DACH2: variants seen among roughly 807,000 people sequenced by gnomAD.
DACH2 encodes the protein dachshund homolog 2.
A neutral mutation model predicts 35.8 loss-of-function variants in DACH2; 17 were observed. The ratio of observed to expected loss-of-function variants is 0.48; its 90% CI spans 0.33 to 0.71. The LOEUF is 0.71. DACH2 is among the 30% of genes least tolerant of loss of function. DACH2 has a pLI of 0.02. For synonymous variants in DACH2, 195 were observed against 177.3 expected (o/e 1.10, Z -0.79); for missense variants, 469 against 472.7 (o/e 0.99, Z 0.07).
chrX:86,529,200 T>A (rs1057485349), intron 3 of DACH2, among the ~76,000 whole-genome samples: 2 of 111,390 alleles, frequency 1.8e-5, no homozygotes, highest in African/African-American at 3.3e-5. Context: ...CACACCACTA[T>A]ACTTGGATAA....
chrX:86,788,173 T>C (rs2042156423), intron 7 of DACH2, among the ~76,000 whole-genome samples: 1 of 110,988 alleles, frequency 9.0e-6, no homozygotes, highest in African/African-American at 3.3e-5. Flanking sequence ...AGTATTCCTA[T>C]AGGAAGATCA....
intron 7 of DACH2, among the ~76,000 whole-genome samples, chrX:86,781,404 A>C (rs887199145): frequency 8.9e-6 from 1 of 111,785 alleles, no homozygotes; most frequent in African/African-American, 3.3e-5. Flanking sequence ...TTATGTATAG[A>C]GTCACTAAAT....
At chrX:86,292,176 T>G (rs201285649) in intron 1 of DACH2, among the ~76,000 whole-genome samples, 2,938 of 79,146 alleles carry the variant, frequency 0.037, 105 homozygotes, top group East Asian at 0.3. Flanking sequence ...GTCGAGGAAT[T>G]TATCCATTTC....
At chrX:86,256,957 A>G (rs2033532270) in intron 1 of DACH2, among the ~76,000 whole-genome samples, 1 of 111,911 alleles carries the variant, frequency 8.9e-6, no homozygotes, top group African/African-American at 3.2e-5. Flanking sequence ...ATCCAAAGGT[A>G]TTGCATTACC....
intron 10 of DACH2, among the ~76,000 whole-genome samples, chrX:86,815,590 C>T (rs974910670): frequency 3.8e-5 from 4 of 105,446 alleles, no homozygotes; most frequent in Non-Finnish European, 3.9e-5. Context: ...TATATATATA[C>T]ACACACATAT....
At chrX:86,611,741 T>C (rs1258388734) in intron 3 of DACH2, among the ~76,000 whole-genome samples, 1 of 110,908 alleles carries the variant, frequency 9.0e-6, no homozygotes, top group Non-Finnish European at 1.9e-5. Flanking sequence ...CCATGCTGTT[T>C]CTCTCCCAAG....
chrX:86,227,494 A>G lies in DACH2; in HGVS notation c.488+78386A>G, dbSNP rs146324112. Among the ~76,000 whole-genome samples, 478 of 111,610 alleles carry G rather than the reference A, an allele frequency of 4.3e-3. 5 individuals are homozygous for G. Among genetic ancestry groups the G allele is most frequent in the African/African-American group, 0.014 (429 of 30,804 alleles). ...CTATGGTAGTCTTTGAAGAACATCA[A>G]AAGGTACTCATTCAACCAAAAATAT... On this transcript the variant is annotated intron_variant, in intron 1 of 11. Coordinates refer to ENST00000373125, the MANE Select transcript of DACH2 (RefSeq NM_053281.3).
chrX:86,643,884 C>T (rs752397377), intron 3 of DACH2, among the ~76,000 whole-genome samples: 18 of 111,139 alleles, frequency 1.6e-4, no homozygotes, highest in South Asian at 1.1e-3. Context: ...TCTCTATAGA[C>T]GTAGAAAAGG....
At chrX:86,791,406 T>G (rs776797926) in intron 7 of DACH2, among the ~76,000 whole-genome samples, 1 of 111,993 alleles carries the variant, frequency 8.9e-6, no homozygotes, top group Non-Finnish European at 1.9e-5. Flanking sequence ...AATATTCATT[T>G]GATAAGCAGT....
At chrX:86,191,805 G>T (rs986748617) in intron 1 of DACH2, among the ~76,000 whole-genome samples, 5 of 110,266 alleles carry the variant, frequency 4.5e-5, no homozygotes, top group South Asian at 3.9e-4. Context: ...GCCGAACGTG[G>T]TAGCGGGAAC....
chrX:86,565,801 G>A (rs2039285525), intron 3 of DACH2, among the ~76,000 whole-genome samples: 1 of 111,035 alleles, frequency 9.0e-6, no homozygotes, highest in Non-Finnish European at 1.9e-5. Context: ...GAAAAGTCAA[G>A]AATCTAAATT....
chrX:86,585,193 A>G (rs1174335996), intron 3 of DACH2, among the ~76,000 whole-genome samples: 1 of 110,971 alleles, frequency 9.0e-6, no homozygotes, highest in Non-Finnish European at 1.9e-5. Flanking sequence ...GCTGGGTCCA[A>G]TGATAGTTCT....
chrX:86,479,976 G>T (rs1450500814), intron 2 of DACH2, among the ~76,000 whole-genome samples: 1 of 112,220 alleles, frequency 8.9e-6, no homozygotes, highest in Non-Finnish European at 1.9e-5. Context: ...TTCATTCCTG[G>T]TGGCTTATTT....
At chrX:86,456,035 C>T (rs917830493) in intron 2 of DACH2, among the ~76,000 whole-genome samples, 1 of 112,198 alleles carries the variant, frequency 8.9e-6, no homozygotes, top group African/African-American at 3.2e-5. Context: ...CATGGTTTCC[C>T]TGGCAGGGTA....
chrX:86,635,970 G>T (rs773039450), intron 3 of DACH2, among the ~76,000 whole-genome samples: 1 of 111,866 alleles, frequency 8.9e-6, no homozygotes, highest in East Asian at 2.8e-4. Flanking sequence ...GCAATTGATA[G>T]ATTCAGTGCT....
At chrX:86,756,606 A>G (rs1280848180) in intron 7 of DACH2, among the ~76,000 whole-genome samples, 2 of 110,434 alleles carry the variant, frequency 1.8e-5, no homozygotes, top group Non-Finnish European at 3.8e-5. Context: ...AATTTACTTA[A>G]TTTATGTATT....
At chrX:86,733,041 G>A (rs1328301347) in intron 6 of DACH2, among the ~76,000 whole-genome samples, 1 of 111,350 alleles carries the variant, frequency 9.0e-6, no homozygotes, top group African/African-American at 3.3e-5. Flanking sequence ...AATTTGACCT[G>A]GTTGGTGTTT....
intron 2 of DACH2, among the ~76,000 whole-genome samples, chrX:86,412,988 C>A (rs1392235754): frequency 9.0e-6 from 1 of 111,575 alleles, no homozygotes; most frequent in African/African-American, 3.3e-5. Context: ...AGGCATTGTG[C>A]CTTTTCTTGG....
At chrX:86,590,286 T>C (rs775344516) in intron 3 of DACH2, among the ~76,000 whole-genome samples, 36 of 112,179 alleles carry the variant, frequency 3.2e-4, no homozygotes, top group African/African-American at 1.1e-3. Context: ...ATGTCAGTTC[T>C]TCCTCCCCCA....
Sources: gnomAD v4.1 joint callset for allele counts (sites outside exome capture counted in the v4.1 genomes callset) on GRCh38, gnomAD v4.1.1 for gene constraint, MANE v1.5 for transcripts, NCBI Gene and HGNC (gene_info 2026-07-23, HGNC 2026-07-21) for gene names.